EML6: variants seen among roughly 807,000 people sequenced by gnomAD.
EML6 encodes the protein EMAP like 6, also known as echinoderm microtubule-associated protein-like 6.
EML6 carries 154 observed loss-of-function variants against 240.1 expected under a neutral mutation model. The ratio of observed to expected loss-of-function variants is 0.64; its 90% CI spans 0.56 to 0.73. The LOEUF is 0.73. Ranked by LOEUF, EML6 falls within the 30% of genes least tolerant of loss-of-function variation. EML6 has a pLI of 0.00. For missense variants in EML6, 2,964 were observed against 2,474.6 expected (o/e 1.20, Z -4.20); for synonymous variants, 1,148 against 899.0 (o/e 1.28, Z -4.95).
At chr2:54,950,040 G>A (rs1259300582) in intron 29 of EML6, among the ~76,000 whole-genome samples, 3 of 152,224 alleles carry the variant, frequency 2.0e-5, no homozygotes, top group African/African-American at 7.2e-5. Context: ...CTGCCTGAGA[G>A]GTCTGTGTTG....
chr2:54,960,070 T>A, intron 34 of EML6, 150 bp from the exon 35 acceptor site: 1 of 609,002 alleles, frequency 1.6e-6, no homozygotes. Flanking sequence ...AGAGAGAGGC[T>A]GCCTGGAGGG....
intron 17 of EML6, chr2:54,882,873 A>AAAAAAAAAAAAAAAAAAAAAAAAAGAG (rs796515025): frequency 2.7e-5 from 3 of 112,406 alleles, no homozygotes; most frequent in African/African-American, 7.0e-5. Flanking sequence ...AAAAAAAAAA[A>AAAAAAAAAAAAAAAAAAAAAAAAAGAG]AGAAAGCTTA....
intron 5 of EML6, among the ~76,000 whole-genome samples, chr2:54,823,788 C>G (rs1668440190): frequency 6.6e-6 from 1 of 151,130 alleles, no homozygotes; most frequent in South Asian, 2.1e-4. Flanking sequence ...GATTGTTTCC[C>G]TCTGCTTGAC....
chr2:54,770,354 T>C (rs562650758), intron 2 of EML6, among the ~76,000 whole-genome samples: 1 of 152,334 alleles, frequency 6.6e-6, no homozygotes, highest in African/African-American at 2.4e-5. Flanking sequence ...ACCAGCACAC[T>C]TGGGACCACT....
chr2:54,886,642 C>T (rs1309977008), intron 17 of EML6, among the ~76,000 whole-genome samples: 1 of 152,170 alleles, frequency 6.6e-6, no homozygotes, highest in East Asian at 1.9e-4. Flanking sequence ...TTATAGCCAC[C>T]TCATCAGTGT....
intron 24 of EML6, among the ~76,000 whole-genome samples, chr2:54,905,086 C>T (rs1162984130): frequency 6.6e-6 from 1 of 152,142 alleles, no homozygotes; most frequent in African/African-American, 2.4e-5. Context: ...GTTTCGCTTT[C>T]ATGTCAGGGC....
chr2:54,797,172 A>AC (rs1669843787), intron 2 of EML6, among the ~76,000 whole-genome samples: 2 of 140,948 alleles, frequency 1.4e-5, no homozygotes, highest in South Asian at 2.2e-4. Flanking sequence ...CTCAAAAAAA[A>AC]AAAAAAAAAA....
intron 2 of EML6, among the ~76,000 whole-genome samples, chr2:54,764,013 C>T (rs149624425): frequency 6.6e-6 from 1 of 152,342 alleles, no homozygotes; most frequent in Non-Finnish European, 1.5e-5. Context: ...ATTCTCAGGC[C>T]TCTGGCCTTT....
chr2:54,939,477 G>T (rs1675315266), intron 28 of EML6, among the ~76,000 whole-genome samples: 1 of 152,314 alleles, frequency 6.6e-6, no homozygotes, highest in South Asian at 2.1e-4. Context: ...GATGAGTACT[G>T]CTTCCAACAG....
At chr2:54,779,619 TG>T (rs1378213896) in intron 2 of EML6, among the ~76,000 whole-genome samples, 1 of 150,628 alleles carries the variant, frequency 6.6e-6, no homozygotes, top group Non-Finnish European at 1.5e-5. Flanking sequence ...CCCAGCACTT[TG>T]GGAGGCTGAG....
At chr2:54,947,448 T>G (rs115366445) in intron 28 of EML6, among the ~76,000 whole-genome samples, 3,684 of 152,216 alleles carry the variant, frequency 0.024, 69 homozygotes, top group Non-Finnish European at 0.035. Flanking sequence ...ATAACGTGTT[T>G]TGATTGAAGA....
intron 7 of EML6, among the ~76,000 whole-genome samples, chr2:54,837,974 C>G (rs1012725786): frequency 1.3e-5 from 2 of 152,184 alleles, no homozygotes; most frequent in African/African-American, 4.8e-5. Context: ...TTCAGTTTTC[C>G]CCTCTTGGAC....
chr2:54,856,517 T>G (rs1333276955), intron 11 of EML6, among the ~76,000 whole-genome samples: 2 of 152,218 alleles, frequency 1.3e-5, no homozygotes, highest in African/African-American at 4.8e-5. Flanking sequence ...CCACCTCCCA[T>G]GATGAGTGTC....
intron 16 of EML6, among the ~76,000 whole-genome samples, chr2:54,877,086 G>C (rs1046112652): frequency 7.3e-5 from 11 of 151,578 alleles, no homozygotes; most frequent in Non-Finnish European, 1.6e-4. Context: ...GAGCTCAATC[G>C]ATCCTCCCAA....
At chr2:54,862,435 G>A (rs1246849118) in intron 12 of EML6, among the ~76,000 whole-genome samples, 1 of 146,506 alleles carries the variant, frequency 6.8e-6, no homozygotes, top group Non-Finnish European at 1.5e-5. Flanking sequence ...ACTAGATTAA[G>A]CAGAAGAAAG....
chr2:54,750,171 G>T (rs1050410826), intron 2 of EML6, among the ~76,000 whole-genome samples: 21 of 152,192 alleles, frequency 1.4e-4, no homozygotes, highest in African/African-American at 4.6e-4. Flanking sequence ...CCCAGCCTGA[G>T]GGCCCGATAT....
chr2:54,895,123 T>A, intron 20 of EML6, 97 bp downstream of exon 20: 3 of 1,308,392 alleles, frequency 2.3e-6, no homozygotes, highest in Non-Finnish European at 3.2e-6. Flanking sequence ...ATCAATTTTC[T>A]CCCTCTTCCA....
In EML6 at chr2:54,829,331, T is replaced by C; in HGVS notation, c.712-11T>C. 1 of 1,551,152 alleles carries C rather than the reference T, an allele frequency of 6.4e-7. No homozygotes were observed. Among genetic ancestry groups the C allele is most frequent in the Non-Finnish European group, 8.7e-7 (1 of 1,146,562 alleles). ...GTTGCACCATTGAGTATTACCTGTT[T>C]TAATCAACAGGCTGGAATCTTTAGC... On this transcript the variant is annotated splice_polypyrimidine_tract_variant and intron_variant, in intron 6 of 41. Coordinates refer to ENST00000356458, the MANE Select transcript of EML6 (RefSeq NM_001039753.4).
At chr2:54,935,248 T>C (rs1329349075) in intron 28 of EML6, among the ~76,000 whole-genome samples, 1 of 152,200 alleles carries the variant, frequency 6.6e-6, no homozygotes, top group Non-Finnish European at 1.5e-5. Flanking sequence ...TGCTTATCTT[T>C]GGTGTTCCTG....
Sources: allele counts gnomAD v4.1 joint callset (sites outside exome capture counted in the v4.1 genomes callset), GRCh38; gene constraint gnomAD v4.1.1; transcripts MANE v1.5; gene names NCBI Gene and HGNC (gene_info 2026-07-23, HGNC 2026-07-21).